SGPP2: variants seen among roughly 807,000 people sequenced by gnomAD.
SGPP2 encodes sphingosine 1-phosphate phosphohydrolase 2.
In SGPP2, 30 loss-of-function variants were observed where a neutral mutation model predicts 33.9. That is an observed-to-expected ratio of 0.89 (90% CI 0.66 to 1.20). SGPP2 has a LOEUF of 1.20. Among genes scored for constraint, SGPP2 ranks in the 50% most tolerant of loss-of-function variants. The pLI is 0.00. For synonymous variants in SGPP2, 233 were observed against 225.0 expected (o/e 1.04, Z -0.32); for missense variants, 458 against 532.1 (o/e 0.86, Z 1.37).
At chr2:222,541,594 TTTTATTTATTTATTTA>T (rs72410664) in intron 4 of SGPP2, among the ~76,000 whole-genome samples, 8 of 150,712 alleles carry the variant, frequency 5.3e-5, no homozygotes, top group South Asian at 2.1e-4. Context: ...AAGAAAACTA[TTTTATTTATTTATTTA>T]TTTATTTATT....
chr2:222,463,703 C>G (rs1697699801), intron 1 of SGPP2, among the ~76,000 whole-genome samples: 1 of 152,158 alleles, frequency 6.6e-6, no homozygotes, highest in Non-Finnish European at 1.5e-5. Context: ...TGGGAAAGCC[C>G]TTGTATAAAA....
Position 222,440,095 on chromosome 2 carries a change from A to G in SGPP2, c.219+15274A>G, listed in dbSNP as rs146847993. Among the ~76,000 whole-genome samples, 258 of 152,344 alleles carry G rather than the reference A, an allele frequency of 1.7e-3. 2 individuals are homozygous for G. In the Middle Eastern group the frequency reaches 0.017, roughly 10 times the overall value. ...TTCTGCCATTTTTCTCGCAACTTTT[A>G]CTACAGGCATTATTTGTACTTTCTG... is the stretch of plus-strand genomic sequence containing the variant. On this transcript the variant is annotated intron_variant, in intron 1 of 4. Coordinates refer to ENST00000321276, the MANE Select transcript of SGPP2 (RefSeq NM_152386.4).
chr2:222,555,984 C>T (rs1229791299), intron 4 of SGPP2, among the ~76,000 whole-genome samples: 1 of 152,136 alleles, frequency 6.6e-6, no homozygotes, highest in African/African-American at 2.4e-5. Context: ...GATTGGCCTA[C>T]CTAGGTCATG....
At chr2:222,503,399 G>T (rs371475445) in intron 2 of SGPP2, among the ~76,000 whole-genome samples, 25 of 152,306 alleles carry the variant, frequency 1.6e-4, no homozygotes, top group Middle Eastern at 3.4e-3. Flanking sequence ...TGTTAAGAGC[G>T]TAGATTTATT....
At chr2:222,475,816 G>A (rs1308430124) in intron 2 of SGPP2, among the ~76,000 whole-genome samples, 3 of 152,214 alleles carry the variant, frequency 2.0e-5, no homozygotes, top group Non-Finnish European at 4.4e-5. Flanking sequence ...AGAGAGGCCT[G>A]AGCTCAAGTA....
chr2:222,453,711 A>G (rs769172692), intron 1 of SGPP2, among the ~76,000 whole-genome samples: 63 of 152,244 alleles, frequency 4.1e-4, no homozygotes, highest in Non-Finnish European at 7.5e-4. Flanking sequence ...TGCATAGAAC[A>G]TATAAAATAT....
chr2:222,541,804 G>T (rs1050866435), intron 4 of SGPP2, among the ~76,000 whole-genome samples: 4 of 151,910 alleles, frequency 2.6e-5, no homozygotes, highest in Admixed American at 1.3e-4. Context: ...AGTAGAGAAG[G>T]TTGGCCAGGC....
intron 1 of SGPP2, among the ~76,000 whole-genome samples, chr2:222,469,009 A>C (rs958211149): frequency 3.9e-5 from 6 of 152,226 alleles, no homozygotes; most frequent in Admixed American, 2.0e-4. Flanking sequence ...TTTTAAAAAA[A>C]ACTTTCAGAA....
intron 4 of SGPP2, among the ~76,000 whole-genome samples, chr2:222,548,759 T>C (rs1009719839): frequency 6.6e-5 from 10 of 152,238 alleles, no homozygotes; most frequent in Non-Finnish European, 1.5e-4. Flanking sequence ...ATATGCTAAT[T>C]ACATGTAGGT....
intron 1 of SGPP2, among the ~76,000 whole-genome samples, chr2:222,441,391 T>C (rs1345972603): frequency 6.6e-6 from 1 of 152,362 alleles, no homozygotes; most frequent in South Asian, 2.1e-4. Flanking sequence ...AATCACAATA[T>C]CCAAAGGATA....
intron 2 of SGPP2, among the ~76,000 whole-genome samples, chr2:222,495,969 C>T (rs2106114086): frequency 6.6e-6 from 1 of 152,302 alleles, no homozygotes; most frequent in East Asian, 1.9e-4. Context: ...ACATCCAGTT[C>T]TCCTGAGCCT....
At chr2:222,529,135 A>G (rs866218520) in intron 4 of SGPP2, among the ~76,000 whole-genome samples, 1 of 152,152 alleles carries the variant, frequency 6.6e-6, no homozygotes, top group African/African-American at 2.4e-5. Flanking sequence ...CACTACGTTT[A>G]TGTAATATTC....
At chr2:222,543,811 T>C (rs920873633) in intron 4 of SGPP2, among the ~76,000 whole-genome samples, 7 of 152,210 alleles carry the variant, frequency 4.6e-5, no homozygotes, top group Admixed American at 1.3e-4. Context: ...TCTTCAAAAT[T>C]ATCTTCACTA....
At chr2:222,518,400 T>G (rs10184665) in intron 2 of SGPP2, among the ~76,000 whole-genome samples, 134,646 of 152,188 alleles carry the variant, frequency 0.88, 59,964 homozygotes, top group East Asian at 1. Flanking sequence ...CTGTTTCTGA[T>G]GATTTTAAGT....
intron 4 of SGPP2, among the ~76,000 whole-genome samples, chr2:222,540,245 AC>A (rs766125337): frequency 9.2e-5 from 14 of 152,218 alleles, no homozygotes; most frequent in Non-Finnish European, 2.1e-4. Flanking sequence ...TGTTTCATAT[AC>A]ACCTTGTACA....
chr2:222,517,645 G>C (rs1475452085), intron 2 of SGPP2, among the ~76,000 whole-genome samples: 3 of 152,344 alleles, frequency 2.0e-5, no homozygotes, highest in African/African-American at 7.2e-5. Flanking sequence ...AGAGCTAAAA[G>C]AGCACTGTAG....
At chr2:222,447,485 C>T (rs1349905916) in intron 1 of SGPP2, among the ~76,000 whole-genome samples, 3 of 152,112 alleles carry the variant, frequency 2.0e-5, no homozygotes, top group African/African-American at 4.8e-5. Context: ...TGGGCATTCA[C>T]GAGGTTTTGT....
At chr2:222,458,052 T>C (rs1350510555) in intron 1 of SGPP2, among the ~76,000 whole-genome samples, 3 of 152,038 alleles carry the variant, frequency 2.0e-5, no homozygotes, top group South Asian at 4.2e-4. Flanking sequence ...TTTTTTGTTT[T>C]GTTTTTGTTT....
chr2:222,531,631 A>G (rs115349116), intron 4 of SGPP2, among the ~76,000 whole-genome samples: 3,596 of 152,300 alleles, frequency 0.024, 68 homozygotes, highest in Non-Finnish European at 0.032. Context: ...AACAATATAA[A>G]TCCTGTTAAT....
Sources: allele counts gnomAD v4.1 joint callset (sites outside exome capture counted in the v4.1 genomes callset), GRCh38; gene constraint gnomAD v4.1.1; transcripts MANE v1.5; gene names NCBI Gene and HGNC (gene_info 2026-07-23, HGNC 2026-07-21).